Variants in ADGRL2 observed in about 807,000 individuals in gnomAD.
ADGRL2 encodes calcium-independent alpha-latrotoxin receptor 2.
ADGRL2 carries 44 observed loss-of-function variants against 157.4 expected under a neutral mutation model. The observed-to-expected ratio is 0.28, with a 90% CI of 0.22 to 0.36. ADGRL2 has a LOEUF of 0.36. Among genes scored for constraint, ADGRL2 ranks in the 10% least tolerant of loss-of-function variants. The pLI is 1.00. For missense variants in ADGRL2, 1,510 were observed against 1,768.9 expected, an observed-to-expected ratio of 0.85 and a Z score of 2.63; for synonymous variants, 585 against 624.7, an observed-to-expected ratio of 0.94 and a Z score of 0.95.
At chr1:81,497,346 G>A (rs2078752418) in intron 2 of ADGRL2, among the ~76,000 whole-genome samples, 1 of 151,566 alleles carries the variant, frequency 6.6e-6, no homozygotes, top group South Asian at 2.1e-4. Context: ...TCAATTTAGT[G>A]GACTTCTTAA....
chr1:81,816,231 T>C (rs1290516196), intron 1 of ADGRL2, among the ~76,000 whole-genome samples: 1 of 151,816 alleles, frequency 6.6e-6, no homozygotes. Flanking sequence ...AGCTTTGATT[T>C]GTTAGCTTAT....
chr1:81,435,440 G>C (rs2077391774), intron 1 of ADGRL2, among the ~76,000 whole-genome samples: 1 of 152,192 alleles, frequency 6.6e-6, no homozygotes, highest in Non-Finnish European at 1.5e-5. Flanking sequence ...TAATCAACCA[G>C]ATGCTGATTG....
In ADGRL2 at chr1:81,566,507, T is replaced by G. The variant is rs186580241; in HGVS notation, c.-247-14369T>G. Among the ~76,000 whole-genome samples, 283 of 152,270 alleles carry G rather than the reference T, an allele frequency of 1.9e-3. 3 individuals are homozygous for G. The highest frequency in any genetic ancestry group is 6.6e-3 in the African/African-American group (273 of 41,564). Reference sequence around the variant, plus strand: ...GAAAATGCAGGAGTCTATTGAAAATTTTGCATTCATTATATTCTGACTTCC... The same window carrying G: ...GAAAATGCAGGAGTCTATTGAAAATGTTGCATTCATTATATTCTGACTTCC... On this transcript the variant is annotated intron_variant, in intron 2 of 24. Coordinates refer to the ADGRL2 transcript ENST00000370721.
intron 2 of ADGRL2, among the ~76,000 whole-genome samples, chr1:81,844,225 C>T (rs2092703280): frequency 6.6e-6 from 1 of 152,056 alleles, no homozygotes; most frequent in Non-Finnish European, 1.5e-5. Context: ...GGCATTTACA[C>T]AGTTATTTTT....
At chr1:81,676,920 A>G (rs890038891) in intron 3 of ADGRL2, among the ~76,000 whole-genome samples, 3 of 143,732 alleles carry the variant, frequency 2.1e-5, no homozygotes, top group African/African-American at 7.8e-5. Context: ...CGATCTCCTG[A>G]CCTCGTGATC....
intron 2 of ADGRL2, among the ~76,000 whole-genome samples, chr1:81,780,033 C>T (rs2086750022): frequency 6.6e-6 from 1 of 152,156 alleles, no homozygotes; most frequent in Non-Finnish European, 1.5e-5. Flanking sequence ...CGTATCTTTC[C>T]TTCTGACCAG....
intron 1 of ADGRL2, among the ~76,000 whole-genome samples, chr1:81,380,541 T>G (rs1270225838): frequency 6.6e-6 from 1 of 152,204 alleles, no homozygotes; most frequent in Non-Finnish European, 1.5e-5. Context: ...GAACTTATTT[T>G]GGAATATAAT....
chr1:81,690,768 C>T (rs1035710851), intron 3 of ADGRL2, among the ~76,000 whole-genome samples: 1 of 152,026 alleles, frequency 6.6e-6, no homozygotes, highest in African/African-American at 2.4e-5. Context: ...TGCTGAGATT[C>T]CTAAAGTTAT....
intron 1 of ADGRL2, among the ~76,000 whole-genome samples, chr1:81,810,330 AAAT>A (rs34561037): frequency 0.71 from 107,499 of 151,366 alleles, 38,241 homozygotes; most frequent in Admixed American, 0.77. Context: ...TTTACATAAC[AAAT>A]AATCATGTTT....
intron 1 of ADGRL2, among the ~76,000 whole-genome samples, chr1:81,408,557 G>A (rs1027656885): frequency 1.2e-4 from 18 of 152,154 alleles, no homozygotes; most frequent in Non-Finnish European, 2.2e-4. Context: ...TGCTGTTCGC[G>A]TGCCTAGACT....
chr1:81,363,107 G>A (rs985642939), intron 1 of ADGRL2, among the ~76,000 whole-genome samples: 1 of 151,882 alleles, frequency 6.6e-6, no homozygotes, highest in African/African-American at 2.4e-5. Context: ...TAAGCAAAAC[G>A]AATATCTTAA....
At chr1:81,889,896 C>CCTTTTT (rs2094216797) in intron 2 of ADGRL2, among the ~76,000 whole-genome samples, 1 of 152,172 alleles carries the variant, frequency 6.6e-6, no homozygotes, top group Admixed American at 6.5e-5. Flanking sequence ...CAGATGTACC[C>CCTTTTT]ACCCTTCTCT....
At chr1:81,343,089 T>G (rs1228557150) in intron 1 of ADGRL2, among the ~76,000 whole-genome samples, 1 of 124,744 alleles carries the variant, frequency 8.0e-6, no homozygotes, top group Non-Finnish European at 1.7e-5. Flanking sequence ...TCTTTTTTCT[T>G]TTCTTTTTTT....
chr1:81,644,199 C>T (rs148096019), intron 3 of ADGRL2, among the ~76,000 whole-genome samples: 160 of 152,264 alleles, frequency 1.1e-3, no homozygotes, highest in African/African-American at 3.6e-3. Context: ...CCAGAGCATA[C>T]ACCCTTTACA....
At chr1:81,308,594 A>T (rs1212494958) in intron 1 of ADGRL2, among the ~76,000 whole-genome samples, 1 of 152,186 alleles carries the variant, frequency 6.6e-6, no homozygotes, top group African/African-American at 2.4e-5. Flanking sequence ...AATGCAAACA[A>T]TGAGACATTC....
At chr1:81,370,680 T>C (rs535622826) in intron 1 of ADGRL2, among the ~76,000 whole-genome samples, 54 of 152,278 alleles carry the variant, frequency 3.5e-4, no homozygotes, top group African/African-American at 1.2e-3. Flanking sequence ...TCAAAATGCA[T>C]AGGACAGAGT....
chr1:81,882,217 A>G (rs114056603), intron 2 of ADGRL2, among the ~76,000 whole-genome samples: 1 of 152,106 alleles, frequency 6.6e-6, no homozygotes, highest in Non-Finnish European at 1.5e-5. Flanking sequence ...CCCTTTCTTA[A>G]TTGTTTGAAG....
rs181242036 is a variant in ADGRL2 at position 81,610,497 on chromosome 1, G to A, written c.-143+29517G>A. Among the ~76,000 whole-genome samples, 40 of 152,222 alleles carry A rather than the reference G, an allele frequency of 2.6e-4. No individual in the cohort carries two copies. The East Asian group carries it at 7.2e-3, about 27-fold the overall frequency. ...GCAGATGGGATCAGGAATATGAGGAGAAACTTGATCACTGAAGGCCATGTT... is the reference window on the plus strand; with the variant it reads ...GCAGATGGGATCAGGAATATGAGGAAAAACTTGATCACTGAAGGCCATGTT... On this transcript the variant is annotated intron_variant, in intron 3 of 24. Coordinates refer to the ADGRL2 transcript ENST00000370721.
chr1:81,861,401 A>G lies in ADGRL2; in HGVS notation c.73+24344A>G, dbSNP rs80061723. On this transcript the variant is annotated intron_variant, in intron 2 of 23. Transcript: ENST00000686636. ...TTTGCAAAGGTTTTAATGATTTCAT[A>G]ATATTAAGTTAATTTAAGAAATTCA... Among the ~76,000 whole-genome samples the G allele has an allele frequency of 3.7e-3, 567 of 152,332 alleles. 3 individuals carry two copies. The Middle Eastern group carries it at 0.037, about 10-fold the overall frequency.
Sources: gnomAD v4.1 joint callset for allele counts (sites outside exome capture counted in the v4.1 genomes callset) on GRCh38, gnomAD v4.1.1 for gene constraint, MANE v1.5 for transcripts, NCBI Gene and HGNC (gene_info 2026-07-23, HGNC 2026-07-21) for gene names.